The following KCNAB1 variants were observed in gnomAD, a reference collection of about 807,000 sequenced individuals.
KCNAB1 encodes potassium voltage-gated channel subfamily A regulatory beta subunit 1.
Under a neutral mutation model 64.6 loss-of-function variants are expected in KCNAB1, and 35 were observed. The observed-to-expected ratio is 0.54, with a 90% CI of 0.41 to 0.72. The LOEUF (loss-of-function observed/expected upper bound fraction) is 0.72, where lower values mean the gene tolerates loss of function less well. Among genes scored for constraint, KCNAB1 ranks in the 30% least tolerant of loss-of-function variants. The pLI, the probability that KCNAB1 is intolerant of heterozygous loss-of-function variation, is 0.00. For synonymous variants in KCNAB1, 177 were observed against 183.8 expected, an observed-to-expected ratio of 0.96 and a Z score of 0.30; for missense variants, 401 against 512.9, an observed-to-expected ratio of 0.78 and a Z score of 2.11.
chr3:156,373,832 C>T (rs1293183623), intron 1 of KCNAB1, among the ~76,000 whole-genome samples: 1 of 152,214 alleles, frequency 6.6e-6, no homozygotes, highest in Non-Finnish European at 1.5e-5. Flanking sequence ...CAAAACAAAA[C>T]AATTGATCCT....
rs144008442 is a variant in KCNAB1, at chr3:156,223,299, G to A, written c.275+102413G>A. Among the ~76,000 whole-genome samples, 1,372 of 152,288 alleles carry A rather than the reference G, an allele frequency of 9.0e-3. 33 individuals are homozygous for A. The highest frequency in any genetic ancestry group is 0.031 in the African/African-American group (1,271 of 41,550). On this transcript the variant is annotated intron_variant, in intron 1 of 13. Transcript: ENST00000490337. ...GAACAAAGCTTCCACAGTGTGGAAG[G>A]GGACCCAAGCAGGTTGCCATTGCTG...
At chr3:156,139,584 G>GTTTTTTTTTTTTTTTTT (rs386398329) in intron 1 of KCNAB1, among the ~76,000 whole-genome samples, 2 of 55,254 alleles carry the variant, frequency 3.6e-5, no homozygotes, top group African/African-American at 1.5e-4. Context: ...ATTGTACTGT[G>GTTTTTTTTTTTTTTTTT]TTTTTTTTTT....
intron 12 of KCNAB1, among the ~76,000 whole-genome samples, chr3:156,530,495 G>C (rs1718627841): frequency 1.3e-5 from 2 of 152,280 alleles, no homozygotes; most frequent in South Asian, 4.1e-4. Context: ...AGATGACCAA[G>C]GGCAAGAGTG....
At chr3:156,177,312 G>C (rs1712446428) in intron 1 of KCNAB1, among the ~76,000 whole-genome samples, 1 of 152,158 alleles carries the variant, frequency 6.6e-6, no homozygotes, top group South Asian at 2.1e-4. Flanking sequence ...ACTATACCCA[G>C]ACACTTCTTA....
At chr3:156,377,444 G>A (rs1711764237) in intron 1 of KCNAB1, among the ~76,000 whole-genome samples, 1 of 152,168 alleles carries the variant, frequency 6.6e-6, no homozygotes, top group Admixed American at 6.5e-5. Flanking sequence ...CCAGGCCAGG[G>A]AGAAAACAGA....
At position 156,120,666 on chromosome 3, in the gene KCNAB1, A is replaced by C. The variant is rs1553803889; in HGVS notation, c.55A>C (p.Lys19Gln). The change falls in exon 1 of 14, where the codon AAG becomes CAG. Residue 19 changes from lysine (K) to glutamine (Q), a missense_variant. By Grantham distance (53) the Lys-to-Gln change is moderately conservative. Transcript: ENST00000490337. ...AGSQISEENT[K>Q]LRRQSGFSVA... ...GAGTCAGATCTCAGAGGAGAACACC[A>C]AGTTAAGGAGACAGTCTGGGTTTTC... The C allele has an allele frequency of 3.1e-6, 5 of 1,614,100 alleles. No homozygotes were observed. In the South Asian group the frequency reaches 4.4e-5, roughly 14 times the overall value.
At chr3:156,308,234 G>A (rs997002000) in intron 1 of KCNAB1, among the ~76,000 whole-genome samples, 4 of 152,334 alleles carry the variant, frequency 2.6e-5, no homozygotes, top group Admixed American at 2.6e-4. Context: ...AAAGGCCTGA[G>A]TGCACATCTG....
At chr3:156,523,994 G>T in intron 12 of KCNAB1, 47 bp downstream of exon 12, 1 of 1,573,142 alleles carries the variant, frequency 6.4e-7, no homozygotes, top group Non-Finnish European at 8.6e-7. Context: ...CTTCTGCTGA[G>T]ATCATAGTTT....
intron 1 of KCNAB1, among the ~76,000 whole-genome samples, chr3:156,261,370 C>T (rs1255102451): frequency 1.3e-5 from 2 of 152,008 alleles, no homozygotes; most frequent in Admixed American, 6.6e-5. Flanking sequence ...AGAGTTTTAA[C>T]TCTTAACTTT....
intron 1 of KCNAB1, among the ~76,000 whole-genome samples, chr3:156,300,399 C>A (rs1343116474): frequency 6.6e-6 from 1 of 152,180 alleles, no homozygotes; most frequent in Non-Finnish European, 1.5e-5. Flanking sequence ...ACGATACCAG[C>A]AGTTTTCTCC....
At chr3:156,369,096 A>G (rs1361559003) in intron 1 of KCNAB1, among the ~76,000 whole-genome samples, 1 of 152,144 alleles carries the variant, frequency 6.6e-6, no homozygotes, top group Non-Finnish European at 1.5e-5. Flanking sequence ...ATTTTCTCAT[A>G]TCTGTTCCCA....
At chr3:156,129,161 T>C (rs1363299857) in intron 1 of KCNAB1, among the ~76,000 whole-genome samples, 1 of 152,212 alleles carries the variant, frequency 6.6e-6, no homozygotes, top group Non-Finnish European at 1.5e-5. Flanking sequence ...GTTGATTTTT[T>C]TTTTCTTCTT....
intron 7 of KCNAB1, among the ~76,000 whole-genome samples, chr3:156,466,341 A>G (rs1011710423): frequency 6.6e-6 from 1 of 152,154 alleles, no homozygotes; most frequent in Non-Finnish European, 1.5e-5. Context: ...AGTCCACTAT[A>G]TGGATAGCCA....
At chr3:156,231,146 C>G (rs1262464065) in intron 1 of KCNAB1, among the ~76,000 whole-genome samples, 1 of 152,146 alleles carries the variant, frequency 6.6e-6, no homozygotes, top group Non-Finnish European at 1.5e-5. Context: ...ATCATTTTGA[C>G]CACAGTTGAG....
At chr3:156,364,987 C>A (rs1049840017) in intron 1 of KCNAB1, among the ~76,000 whole-genome samples, 10 of 152,234 alleles carry the variant, frequency 6.6e-5, no homozygotes, top group African/African-American at 2.2e-4. Context: ...TCAAACACAA[C>A]CCGTTACTAG....
chr3:156,186,848 CT>C (rs11293662), intron 1 of KCNAB1, among the ~76,000 whole-genome samples: 101,251 of 142,598 alleles, frequency 0.71, 35,953 homozygotes, highest in East Asian at 0.89. Flanking sequence ...TCCTTAGCAT[CT>C]TTTTTTTTTT....
chr3:156,403,892 T>TAAAAAAAAAA (rs200824639), intron 1 of KCNAB1, among the ~76,000 whole-genome samples: 7 of 136,840 alleles, frequency 5.1e-5, no homozygotes, highest in African/African-American at 1.1e-4. Context: ...AGACTCTGCC[T>TAAAAAAAAAA]AAAAAAAAAA....
intron 1 of KCNAB1, among the ~76,000 whole-genome samples, chr3:156,319,826 A>G (rs1722536383): frequency 6.6e-6 from 1 of 152,214 alleles, no homozygotes; most frequent in Admixed American, 6.5e-5. Context: ...TAACCTGGTA[A>G]TCAAGTGCTT....
chr3:156,510,527 C>T (rs955622455), intron 8 of KCNAB1, among the ~76,000 whole-genome samples: 4 of 152,184 alleles, frequency 2.6e-5, no homozygotes, highest in Admixed American at 2.0e-4. Context: ...CTCTTAATGT[C>T]CCGTGACCCT....
Sources: allele counts gnomAD v4.1 joint callset (sites outside exome capture counted in the v4.1 genomes callset), GRCh38; gene constraint gnomAD v4.1.1; transcripts MANE v1.5; gene names NCBI Gene and HGNC (gene_info 2026-07-23, HGNC 2026-07-21).